OSGIN2: variants seen among roughly 807,000 people sequenced by gnomAD.
OSGIN2 encodes oxidative stress-induced growth inhibitor 2.
Under a neutral mutation model 53.8 loss-of-function variants are expected in OSGIN2, and 19 were observed. The observed-to-expected ratio is 0.35, with a 90% CI of 0.25 to 0.52. The LOEUF is 0.52. Among genes scored for constraint, OSGIN2 ranks in the 20% least tolerant of loss-of-function variants. OSGIN2 has a pLI of 0.95. For missense variants in OSGIN2, 520 were observed against 662.7 expected (o/e 0.78, Z 2.36); for synonymous variants, 236 against 236.0 (o/e 1.00, Z 0.00).
At chr8:89,918,578 TATTA>T (rs1329625542) in intron 4 of OSGIN2, among the ~76,000 whole-genome samples, 26 of 152,326 alleles carry the variant, frequency 1.7e-4, no homozygotes, top group South Asian at 6.2e-4. Context: ...TGCATATTGA[TATTA>T]ATTGATTCCC....
Position 89,912,947 on chromosome 8 carries a change from G to T in OSGIN2, c.200-1130G>T, listed in dbSNP as rs117573188. ...GGTGGGGGGCCGCAGGACTGGTTCA[G>T]TTGAGTCTTGGGTCTGAGTCTTGAA... is the stretch of plus-strand genomic sequence containing the variant. On this transcript the variant is annotated intron_variant, in intron 2 of 5. Transcript: ENST00000451899. Among the ~76,000 whole-genome samples the T allele has an allele frequency of 4.6e-4, 70 of 152,264 alleles. 1 individual carries two copies. In the East Asian group the frequency reaches 0.011, roughly 24 times the overall value.
In OSGIN2 at chr8:89,924,767, C is replaced by G. The variant is rs1224268596; in HGVS notation, c.885C>G (p.Phe295Leu). 4 of 1,614,212 alleles carry G rather than the reference C, an allele frequency of 2.5e-6. No homozygotes were observed. The highest frequency in any genetic ancestry group is 3.4e-6 in the Non-Finnish European group (4 of 1,180,022). ...QRIADGSHVPFCLFAENVALA... is the reference protein window; with the variant it reads ...QRIADGSHVPLCLFAENVALA... ...TAGCTGATGGTTCTCATGTTCCCTTCTGCCTCTTTGCTGAGAATGTAGCGC... is the reference window on the plus strand; with the variant it reads ...TAGCTGATGGTTCTCATGTTCCCTTGTGCCTCTTTGCTGAGAATGTAGCGC... Residue 295 changes from phenylalanine to leucine, a missense_variant, in exon 6 of 6, where the codon TTC (phenylalanine) becomes TTG (leucine). By Grantham distance (22) the Phe-to-Leu change is conservative. Around this residue, in one of 3 missense-constraint regions of OSGIN2, gnomAD observed 239 missense variants for 328.3 expected, o/e 0.73. Coordinates refer to ENST00000451899, the MANE Select transcript of OSGIN2 (RefSeq NM_001126111.3).
At chr8:89,914,024 A>T in intron 2 of OSGIN2, 53 bp from the exon 3 acceptor site, 2 of 1,510,452 alleles carry the variant, frequency 1.3e-6, no homozygotes, top group Non-Finnish European at 1.8e-6. Flanking sequence ...AAGCCAAGGA[A>T]CAAGAGTATT....
chr8:89,914,144 A>G lies in OSGIN2; in HGVS notation c.267A>G (p.Glu89=), dbSNP rs768385058. The part of the protein sequence containing the change: ...LSGYRPYLSS[E]AIHPNTILNS... ...GCTACAGACCGTATTTATCATCAGA[A>G]GCAATACACCCAAATACAATCTTAA... Residue 89 remains glutamate (E), a synonymous_variant, in exon 3 of 6, where the codon GAA becomes GAG. Transcript: ENST00000451899. The G allele has an allele frequency of 2.5e-6, 4 of 1,601,318 alleles. No individual in the cohort carries two copies. The highest frequency in any genetic ancestry group is 2.6e-6 in the Non-Finnish European group (3 of 1,168,666).
intron 4 of OSGIN2, among the ~76,000 whole-genome samples, chr8:89,918,694 C>T (rs912875168): frequency 1.3e-5 from 2 of 152,204 alleles, no homozygotes; most frequent in Non-Finnish European, 2.9e-5. Flanking sequence ...TCAGACTCAA[C>T]GTACCTAAAA....
chr8:89,921,935 C>T (rs1256885053), intron 5 of OSGIN2, among the ~76,000 whole-genome samples: 4 of 151,752 alleles, frequency 2.6e-5, no homozygotes, highest in South Asian at 2.1e-4. Flanking sequence ...GCCGAAATCG[C>T]GCCACTGGAC....
At chr8:89,914,235 T>C in intron 3 of OSGIN2, 22 bp downstream of exon 3, 1 of 1,546,516 alleles carries the variant, frequency 6.5e-7, no homozygotes, top group Non-Finnish European at 8.8e-7. Context: ...TACATGTCAA[T>C]TTAAAAAATT....
chr8:89,925,461 C>T lies in OSGIN2; in HGVS notation c.1579C>T (p.Arg527Cys), dbSNP rs751032851. 198 of 1,613,986 alleles carry T rather than the reference C, an allele frequency of 1.2e-4. 1 individual carries two copies. In the South Asian group the frequency reaches 1.5e-3, roughly 12 times the overall value. ...FLKGGALGVTRCLATRQKKKH... is the reference protein window; with the variant it reads ...FLKGGALGVTCCLATRQKKKH... ...AAAGGGAGGGGCGCTGGGTGTTACACGCTGTTTAGCTACAAGACAGAAGAA... is the reference window on the plus strand; with the variant it reads ...AAAGGGAGGGGCGCTGGGTGTTACATGCTGTTTAGCTACAAGACAGAAGAA... Residue 527 changes from arginine (R) to cysteine (C), a missense_variant, in exon 6 of 6, where the codon CGC (arginine) becomes TGC (cysteine). By Grantham distance (180) the Arg-to-Cys change is radical (BLOSUM62 -3). This residue lies in a region of OSGIN2 where 239 missense variants were observed against 328.3 expected (regional missense o/e 0.73). Transcript: ENST00000451899.
At position 89,925,120 on chromosome 8, in the gene OSGIN2, C is replaced by T; in HGVS notation, c.1238C>T (p.Ser413Leu). The change falls in exon 6 of 6, where the codon TCA (serine) becomes TTA (leucine). Residue 413 changes from serine (S) to leucine (L), a missense_variant. Around this residue, in one of 3 missense-constraint regions of OSGIN2, gnomAD observed 239 missense variants for 328.3 expected, o/e 0.73. Transcript: ENST00000451899. Reference protein sequence around the residue: ...MMCTQSYSVDSNLLSDYTSFP... With the variant: ...MMCTQSYSVDLNLLSDYTSFP... The stretch of plus-strand genomic sequence containing the variant: ...TGTACTCAGTCATATTCTGTAGACT[C>T]AAATCTTTTATCTGATTATACCAGC... The T allele has an allele frequency of 6.2e-7, 1 of 1,614,016 alleles. No individual in the cohort carries two copies. The highest frequency in any genetic ancestry group is 8.5e-7 in the Non-Finnish European group (1 of 1,179,902).
At chr8:89,912,554 T>C (rs1247948273) in intron 2 of OSGIN2, among the ~76,000 whole-genome samples, 1 of 152,080 alleles carries the variant, frequency 6.6e-6, no homozygotes, top group African/African-American at 2.4e-5. Flanking sequence ...AAGACTGTCC[T>C]GGCCAACACG....
In OSGIN2 at chr8:89,914,634, C is replaced by T; in HGVS notation, c.416C>T (p.Pro139Leu). ...GTACTTTTCGATACACTTCTTCATCCAGATGCTGACTTTGGGTATGATTAT... is the reference window on the plus strand; with the variant it reads ...GTACTTTTCGATACACTTCTTCATCTAGATGCTGACTTTGGGTATGATTAT... ...VAVLFDTLLH[P>L]DADFGYDYPS... The change falls in exon 4 of 6, where the codon CCA (proline) becomes CTA (leucine). Residue 139 changes from proline to leucine, a missense_variant. Physicochemically the swap from Pro to Leu is moderately conservative, Grantham distance 98 (BLOSUM62 -3). This residue lies in a region of OSGIN2 where 203 missense variants were observed against 275.3 expected (regional missense o/e 0.74). Transcript: ENST00000451899. The T allele has an allele frequency of 6.2e-7, 1 of 1,613,904 alleles. No homozygotes were observed. The highest frequency in any genetic ancestry group is 8.5e-7 in the Non-Finnish European group (1 of 1,179,756).
intron 4 of OSGIN2, among the ~76,000 whole-genome samples, chr8:89,916,825 C>T (rs1159887439): frequency 6.6e-6 from 1 of 152,196 alleles, no homozygotes; most frequent in Non-Finnish European, 1.5e-5. Flanking sequence ...ACCATTCCCA[C>T]TGTAGCCCTC....
rs1563483655 is a variant in OSGIN2 at position 89,927,454 on chromosome 8, TATACTCTCATGTTCTATA to T, written c.*1924_*1941del. The T allele has an allele frequency of 1.3e-5, 2 of 152,258 alleles. No individual in the cohort carries two copies. Among genetic ancestry groups the T allele is most frequent in the Non-Finnish European group, 2.9e-5 (2 of 68,042 alleles). 9.4% of individuals were successfully genotyped at this position (152,258 alleles called of 1,614,324 possible). On this transcript the variant is annotated 3_prime_UTR_variant, in exon 6 of 6. Transcript: ENST00000451899. ...CATTTGGGCATTTTCTCTGATATACTATACTCTCATGTTCTATAAATTTCTGTCCCGTAATTCTAACAC... is the reference window on the plus strand; with the variant it reads ...CATTTGGGCATTTTCTCTGATATACTAATTTCTGTCCCGTAATTCTAACAC...
At chr8:89,911,009 T>A (rs1348851674) in intron 2 of OSGIN2, among the ~76,000 whole-genome samples, 4 of 152,240 alleles carry the variant, frequency 2.6e-5, no homozygotes, top group African/African-American at 7.2e-5. Flanking sequence ...TCTACTGTTC[T>A]GTGGGTCAGA....
At chr8:89,909,479 T>C (rs1450669064) in intron 1 of OSGIN2, 88 bp from the exon 2 acceptor site, 1 of 644,652 alleles carries the variant, frequency 1.6e-6, no homozygotes, top group Non-Finnish European at 2.3e-6. Context: ...AAATATTTTA[T>C]GTCTAAATAA....
At chr8:89,919,074 T>C (rs956271625) in intron 4 of OSGIN2, among the ~76,000 whole-genome samples, 1 of 152,246 alleles carries the variant, frequency 6.6e-6, no homozygotes, top group Non-Finnish European at 1.5e-5. Context: ...ACATATAGTA[T>C]GTAGACTTCG....
At chr8:89,909,819 A>G (rs753210755) in intron 2 of OSGIN2, 98 bp downstream of exon 2, 20 of 770,776 alleles carry the variant, frequency 2.6e-5, no homozygotes, top group Non-Finnish European at 3.6e-5. Flanking sequence ...TTTATTGAAA[A>G]GTATTCTTAG....
chr8:89,924,181 A>C (rs186955175), intron 5 of OSGIN2, among the ~76,000 whole-genome samples: 1 of 152,300 alleles, frequency 6.6e-6, no homozygotes, highest in East Asian at 1.9e-4. Context: ...TCCAATTTTC[A>C]AATATCCACA....
chr8:89,903,856 CAG>C (rs1277708726), intron 1 of OSGIN2, among the ~76,000 whole-genome samples: 2 of 152,136 alleles, frequency 1.3e-5, no homozygotes, highest in African/African-American at 2.4e-5. Context: ...TTGAATGCAA[CAG>C]AGAAGCACAT....
Sources: allele counts gnomAD v4.1 joint callset (sites outside exome capture counted in the v4.1 genomes callset), GRCh38; gene constraint gnomAD v4.1.1; regional missense constraint gnomAD v4.1.1; transcripts MANE v1.5; gene names NCBI Gene and HGNC (gene_info 2026-07-23, HGNC 2026-07-21).